Variants in KSR2 observed in about 807,000 individuals in gnomAD.
KSR2 encodes the protein kinase suppressor of ras 2.
KSR2 carries 25 observed loss-of-function variants against 107.8 expected under a neutral mutation model. The ratio of observed to expected loss-of-function variants is 0.23; its 90% CI spans 0.17 to 0.32. The LOEUF (loss-of-function observed/expected upper bound fraction) is 0.32, where lower values mean the gene tolerates loss of function less well. Ranked by LOEUF, KSR2 falls within the 10% of genes least tolerant of loss-of-function variation. KSR2 has a pLI of 1.00. For synonymous variants in KSR2, 480 were observed against 507.0 expected, an observed-to-expected ratio of 0.95 and a Z score of 0.71; for missense variants, 887 against 1,268.9, an observed-to-expected ratio of 0.70 and a Z score of 4.57.
At chr12:117,924,140 A>T (rs752169683) in intron 1 of KSR2, among the ~76,000 whole-genome samples, 6 of 151,632 alleles carry the variant, frequency 4.0e-5, no homozygotes, top group Non-Finnish European at 8.8e-5. Context: ...GGCCTCCCCA[A>T]GTGCTAGGAT....
At chr12:117,575,500 G>A (rs774922572) in intron 7 of KSR2, among the ~76,000 whole-genome samples, 1 of 152,118 alleles carries the variant, frequency 6.6e-6, no homozygotes, top group Non-Finnish European at 1.5e-5. Flanking sequence ...CAGCTCATAA[G>A]TGCATCCAAA....
chr12:117,886,818 T>G (rs1017677528), intron 1 of KSR2, among the ~76,000 whole-genome samples: 1 of 152,182 alleles, frequency 6.6e-6, no homozygotes, highest in Non-Finnish European at 1.5e-5. Context: ...TCTTTTTCTG[T>G]TTCTTTTTTG....
At chr12:117,909,632 G>A (rs1170516621) in intron 1 of KSR2, among the ~76,000 whole-genome samples, 1 of 152,068 alleles carries the variant, frequency 6.6e-6, no homozygotes, top group Non-Finnish European at 1.5e-5. Context: ...GGAGGGTGTG[G>A]TGGCTCACAC....
chr12:117,961,935 A>G (rs1478740274), intron 1 of KSR2, among the ~76,000 whole-genome samples: 1 of 152,124 alleles, frequency 6.6e-6, no homozygotes, highest in Non-Finnish European at 1.5e-5. Context: ...GCTTGAAGCT[A>G]GGAGTTTAAG....
chr12:117,868,436 A>AC (rs1555252277), intron 1 of KSR2, among the ~76,000 whole-genome samples: 148 of 151,904 alleles, frequency 9.7e-4, no homozygotes, highest in African/African-American at 3.3e-3. Flanking sequence ...AAAAAAAAAA[A>AC]TTAAAAAGAA....
At chr12:117,621,240 C>T (rs1480667770) in intron 5 of KSR2, among the ~76,000 whole-genome samples, 1 of 152,192 alleles carries the variant, frequency 6.6e-6, no homozygotes, top group Non-Finnish European at 1.5e-5. Context: ...ATGCCTGCTT[C>T]CCCTTCCACC....
intron 1 of KSR2, among the ~76,000 whole-genome samples, chr12:117,939,944 AACACACACACACACACACACAC>A (rs10561468): frequency 7.1e-6 from 1 of 140,174 alleles, no homozygotes; most frequent in Non-Finnish European, 1.5e-5. Flanking sequence ...CCATCTTAAA[AACACACACACACACACACACAC>A]ACACACACAC....
At chr12:117,886,716 T>G (rs1269515217) in intron 1 of KSR2, among the ~76,000 whole-genome samples, 1 of 152,132 alleles carries the variant, frequency 6.6e-6, no homozygotes, top group Non-Finnish European at 1.5e-5. Flanking sequence ...CATATGTAAA[T>G]GTACATAATA....
At chr12:117,628,531 C>T (rs1205292852) in intron 5 of KSR2, among the ~76,000 whole-genome samples, 2 of 152,184 alleles carry the variant, frequency 1.3e-5, no homozygotes, top group Admixed American at 1.3e-4. Context: ...CCAGCAGAGG[C>T]TGCAGAACAG....
intron 17 of KSR2, 29 bp from the exon 18 acceptor site, chr12:117,471,349 T>G: frequency 6.2e-7 from 1 of 1,605,706 alleles, no homozygotes; most frequent in South Asian, 1.1e-5. Context: ...AAAGGGGTGT[T>G]GGTGTGGTGT....
chr12:117,582,934 T>A (rs549122624), intron 5 of KSR2, among the ~76,000 whole-genome samples: 1 of 152,368 alleles, frequency 6.6e-6, no homozygotes, highest in East Asian at 1.9e-4. Flanking sequence ...ACTGCCAAGT[T>A]ATTTATTTAA....
intron 5 of KSR2, among the ~76,000 whole-genome samples, chr12:117,616,868 T>C (rs1277874417): frequency 1.3e-5 from 2 of 152,222 alleles, no homozygotes; most frequent in East Asian, 3.8e-4. Context: ...CCATGATTCA[T>C]CTTTTTATTC....
rs1295834269 is a variant in KSR2, at chr12:117,463,316, T to C, written c.*3883A>G. The C allele has an allele frequency of 2.0e-5, 3 of 152,166 alleles. No individual in the cohort carries two copies. Among genetic ancestry groups the C allele is most frequent in the African/African-American group, 7.2e-5 (3 of 41,410 alleles). 9.4% of individuals were successfully genotyped at this position (152,166 alleles called of 1,614,324 possible). A position where few individuals can be genotyped will look rare whatever the true frequency, so the allele number is the denominator to read the frequency against. ...GTTCTCTCCCCCTCCAACTTCCTGT[T>C]CCTCCCCTGAGAGCCATATCCAACC... is the stretch of plus-strand genomic sequence containing the variant. On this transcript the variant is annotated 3_prime_UTR_variant, in exon 20 of 20. Coordinates refer to ENST00000339824, the MANE Select transcript of KSR2 (RefSeq NM_173598.6).
chr12:117,690,125 G>T (rs1221563194), intron 4 of KSR2, among the ~76,000 whole-genome samples: 1 of 152,178 alleles, frequency 6.6e-6, no homozygotes, highest in Non-Finnish European at 1.5e-5. Context: ...GCCAAGTTTG[G>T]TCCATGGCCA....
intron 1 of KSR2, among the ~76,000 whole-genome samples, chr12:117,966,543 T>C (rs1396736497): frequency 1.3e-5 from 2 of 151,922 alleles, no homozygotes; most frequent in African/African-American, 4.8e-5. Flanking sequence ...GGATCACATT[T>C]CCAGATGACA....
chr12:117,562,944 C>G (rs137994613), intron 7 of KSR2, among the ~76,000 whole-genome samples: 1 of 152,300 alleles, frequency 6.6e-6, no homozygotes, highest in East Asian at 1.9e-4. Flanking sequence ...CTGCACATCC[C>G]GGATCTGCTA....
At chr12:117,800,667 T>C (rs1391779270) in intron 3 of KSR2, among the ~76,000 whole-genome samples, 5 of 152,174 alleles carry the variant, frequency 3.3e-5, no homozygotes, top group African/African-American at 9.7e-5. Flanking sequence ...TGTGCCATGG[T>C]GGTCTGCTGC....
chr12:117,862,514 A>C (rs951750363), intron 1 of KSR2, among the ~76,000 whole-genome samples: 1 of 151,976 alleles, frequency 6.6e-6, no homozygotes, highest in African/African-American at 2.4e-5. Flanking sequence ...AAAATAAAAT[A>C]AAATAAAATA....
intron 1 of KSR2, among the ~76,000 whole-genome samples, chr12:117,945,370 A>C (rs568995360): frequency 1.3e-5 from 2 of 152,328 alleles, no homozygotes; most frequent in Admixed American, 1.3e-4. Flanking sequence ...AAATGTGTTC[A>C]TTGATCATAA....
Sources: allele counts gnomAD v4.1 joint callset (sites outside exome capture counted in the v4.1 genomes callset), GRCh38; gene constraint gnomAD v4.1.1; transcripts MANE v1.5; gene names NCBI Gene and HGNC (gene_info 2026-07-23, HGNC 2026-07-21).